The following PTPRN2 variants were observed in gnomAD, a reference collection of about 807,000 sequenced individuals.
PTPRN2 encodes protein tyrosine phosphatase receptor type N2.
Under a neutral mutation model 118.8 loss-of-function variants are expected in PTPRN2, and 74 were observed. That is an observed-to-expected ratio of 0.62 (90% confidence interval 0.52 to 0.76). The LOEUF is 0.76. Among genes scored for constraint, PTPRN2 ranks in the 30% least tolerant of loss-of-function variants. The pLI, the probability that PTPRN2 is intolerant of heterozygous loss-of-function variation, is 0.00. For synonymous variants in PTPRN2, 641 were observed against 608.0 expected (o/e 1.05, Z -0.80); for missense variants, 1,481 against 1,394.4 (o/e 1.06, Z -0.99).
chr7:157,682,644 G>T, intron 13 of PTPRN2, 81 bp downstream of exon 13: 1 of 1,366,444 alleles, frequency 7.3e-7, no homozygotes, highest in African/African-American at 1.4e-5. Flanking sequence ...GGGAATGGAG[G>T]AGGGGCCAGA....
At chr7:158,434,566 C>G (rs1278257910) in intron 2 of PTPRN2, among the ~76,000 whole-genome samples, 2 of 152,210 alleles carry the variant, frequency 1.3e-5, no homozygotes, top group East Asian at 3.9e-4. Context: ...AAGGTGGTCC[C>G]TTGCAAGCAG....
rs1020733210 is a variant in PTPRN2, at chr7:158,517,182, C to T, written c.113-27397G>A. Among the ~76,000 whole-genome samples the T allele has an allele frequency of 1.1e-4, 16 of 152,206 alleles. No individual in the cohort carries two copies. Among genetic ancestry groups the T allele is most frequent in the African/African-American group, 1.4e-4 (6 of 41,456 alleles). ...AGTGTGGTCCTCACTGAAGACAGGG[C>T]GGGTGGCATTGACCCCCATTCCTGT... On this transcript the variant is annotated intron_variant, in intron 1 of 22. Coordinates refer to ENST00000389418, the MANE Select transcript of PTPRN2 (RefSeq NM_002847.5). The surrounding 1 kb of genome is among the most constrained non-coding windows in gnomAD (Gnocchi z 5.3).
chr7:158,398,731 CAT>C (rs1438066935), intron 2 of PTPRN2, among the ~76,000 whole-genome samples: 3 of 152,334 alleles, frequency 2.0e-5, no homozygotes, highest in Non-Finnish European at 4.4e-5. Flanking sequence ...CATATCTCCA[CAT>C]GACACATTCA....
At chr7:157,653,421 T>C (rs1295906730) in intron 14 of PTPRN2, among the ~76,000 whole-genome samples, 1 of 152,122 alleles carries the variant, frequency 6.6e-6, no homozygotes, top group Non-Finnish European at 1.5e-5. Flanking sequence ...GCCTTGTAGC[T>C]GTGATGAGTC....
intron 2 of PTPRN2, among the ~76,000 whole-genome samples, chr7:158,450,441 G>A (rs1670337): frequency 0.52 from 79,124 of 152,076 alleles, 20,914 homozygotes; most frequent in Non-Finnish European, 0.55. Flanking sequence ...AGAGAAATGC[G>A]CACAAAAACG....
At chr7:157,744,012 C>T (rs534813469) in intron 12 of PTPRN2, among the ~76,000 whole-genome samples, 10 of 152,340 alleles carry the variant, frequency 6.6e-5, no homozygotes, top group African/African-American at 2.4e-4. Context: ...CTGCAGGAGA[C>T]GTGCTCCGGG....
intron 11 of PTPRN2, among the ~76,000 whole-genome samples, chr7:157,908,621 T>G (rs990244514): frequency 1.3e-5 from 2 of 152,198 alleles, no homozygotes; most frequent in South Asian, 4.1e-4. Flanking sequence ...AGACAGGACA[T>G]GCATGACTCA....
intron 12 of PTPRN2, among the ~76,000 whole-genome samples, chr7:157,796,037 C>T (rs1336881055): frequency 2.0e-5 from 3 of 152,202 alleles, no homozygotes; most frequent in Non-Finnish European, 2.9e-5. Context: ...AAAAATGGCC[C>T]GCCCCGTGAA....
At chr7:158,261,854 G>C (rs868784073) in intron 3 of PTPRN2, among the ~76,000 whole-genome samples, 2 of 152,186 alleles carry the variant, frequency 1.3e-5, no homozygotes, top group African/African-American at 4.8e-5. Flanking sequence ...ATATTCTGAC[G>C]GGGCTTCCCG....
At chr7:157,683,505 G>A (rs1243731942) in intron 12 of PTPRN2, among the ~76,000 whole-genome samples, 2 of 152,200 alleles carry the variant, frequency 1.3e-5, no homozygotes, top group African/African-American at 4.8e-5. Context: ...AAAGGCGAGC[G>A]CTGGTCGAAT....
intron 2 of PTPRN2, among the ~76,000 whole-genome samples, chr7:158,417,943 T>C (rs865988599): frequency 3.1e-3 from 372 of 118,136 alleles, no homozygotes; most frequent in Middle Eastern, 0.018. Context: ...TGTTAAGTCA[T>C]GGTGTACTAC....
intron 11 of PTPRN2, among the ~76,000 whole-genome samples, chr7:158,055,510 G>A (rs975966721): frequency 9.9e-5 from 15 of 152,212 alleles, no homozygotes; most frequent in East Asian, 3.8e-4. Context: ...AGGCCTAACC[G>A]TCTCCCTGTG....
chr7:157,939,870 C>T (rs1799938309), intron 11 of PTPRN2, among the ~76,000 whole-genome samples: 2 of 152,226 alleles, frequency 1.3e-5, no homozygotes, highest in African/African-American at 4.8e-5. Flanking sequence ...GGTCTCTGGC[C>T]TGTGAGACCT....
intron 1 of PTPRN2, among the ~76,000 whole-genome samples, chr7:158,536,188 G>GCC (rs1825632651): frequency 1.3e-5 from 2 of 152,044 alleles, no homozygotes; most frequent in South Asian, 4.2e-4. Context: ...GGTCTGAAAT[G>GCC]CCCTTTAAAT....
Position 158,525,616 on chromosome 7 carries a change from TTTAA to T in PTPRN2, c.113-35835_113-35832del, listed in dbSNP as rs982341609. On this transcript the variant is annotated intron_variant, in intron 1 of 22. Transcript: ENST00000389418. The surrounding 1 kb of genome is among the most constrained non-coding windows in gnomAD (Gnocchi z 4.1). ...GGGATGGAGTATTAATAGTGCCGTG[TTTAA>T]TTATTATTCAGCATAATCACACATA... 2.6e-5 allele frequency among the ~76,000 whole-genome samples: 4 copies of T among 152,210 alleles called. No homozygotes were observed. Among genetic ancestry groups the T allele is most frequent in the African/African-American group, 7.2e-5 (3 of 41,468 alleles).
chr7:158,312,238 G>GCA (rs150282409), intron 3 of PTPRN2, among the ~76,000 whole-genome samples: 3 of 104,652 alleles, frequency 2.9e-5, no homozygotes, highest in Non-Finnish European at 7.3e-5. Flanking sequence ...CCACACACAT[G>GCA]CACACACACC....
chr7:157,791,383 G>A (rs1187015918), intron 12 of PTPRN2, among the ~76,000 whole-genome samples: 1 of 152,258 alleles, frequency 6.6e-6, no homozygotes, highest in Non-Finnish European at 1.5e-5. Flanking sequence ...ATATTCTCGT[G>A]CCTGGCGTGT....
chr7:157,664,392 G>A (rs1002405432), intron 13 of PTPRN2, among the ~76,000 whole-genome samples: 20 of 152,254 alleles, frequency 1.3e-4, no homozygotes, highest in African/African-American at 3.6e-4. Flanking sequence ...GGCACAGAGC[G>A]GGGGCTCCTG....
At chr7:158,131,550 C>G (rs369809429) in intron 9 of PTPRN2, among the ~76,000 whole-genome samples, 2 of 148,422 alleles carry the variant, frequency 1.3e-5, no homozygotes, top group East Asian at 3.9e-4. Context: ...CGGGTACATA[C>G]AAACTGATAC....
Sources: gnomAD v4.1 joint callset for allele counts (sites outside exome capture counted in the v4.1 genomes callset) on GRCh38, gnomAD v4.1.1 for gene constraint, Gnocchi (gnomAD v3.1) non-coding constraint, MANE v1.5 for transcripts, NCBI Gene and HGNC (gene_info 2026-07-23, HGNC 2026-07-21) for gene names.